The following NUDC variants were observed in gnomAD, a reference collection of about 807,000 sequenced individuals.
NUDC encodes the protein nuclear migration protein nudC.
Under a neutral mutation model 45.0 loss-of-function variants are expected in NUDC, and 14 were observed. That is an observed-to-expected ratio of 0.31 (90% confidence interval 0.21 to 0.49). The LOEUF (loss-of-function observed/expected upper bound fraction) is 0.49. Among genes scored for constraint, NUDC ranks in the 20% least tolerant of loss-of-function variants. NUDC has a pLI of 0.99. For synonymous variants in NUDC, 153 were observed against 156.7 expected, an observed-to-expected ratio of 0.98 and a Z score of 0.17; for missense variants, 323 against 426.2, an observed-to-expected ratio of 0.76 and a Z score of 2.13.
intron 1 of NUDC, 145 bp from the exon 2 acceptor site, chr1:26,923,943 TG>T: frequency 1.4e-6 from 1 of 728,248 alleles, no homozygotes. Context: ...GAGAACCTGC[TG>T]GGGAGATAAT....
At chr1:26,945,302 GGAGAGAGTTTGGTTGT>G in intron 6 of NUDC, 72 bp from the exon 7 acceptor site, 1 of 1,050,422 alleles carries the variant, frequency 9.5e-7, no homozygotes. Context: ...GATGTGGATG[GGAGAGAGTTTGGTTGT>G]GAAAGGGTTA....
intron 2 of NUDC, among the ~76,000 whole-genome samples, chr1:26,933,514 A>G (rs1435026916): frequency 1.3e-5 from 2 of 151,768 alleles, no homozygotes; most frequent in African/African-American, 4.8e-5. Flanking sequence ...CCTGGGTTCA[A>G]GCGATTCTCC....
At chr1:26,914,694 C>T (rs1442120670) in intron 3 of NUDC, among the ~76,000 whole-genome samples, 4 of 152,120 alleles carry the variant, frequency 2.6e-5, no homozygotes, top group Non-Finnish European at 5.9e-5. Context: ...CAGCCGGGCA[C>T]GGTGGCTCAT....
intron 2 of NUDC, among the ~76,000 whole-genome samples, chr1:26,906,958 C>A (rs946558422): frequency 3.3e-5 from 5 of 152,164 alleles, no homozygotes; most frequent in South Asian, 2.1e-4. Flanking sequence ...TCTGGCCATA[C>A]CCTGCCAGGA....
At chr1:26,932,835 A>G (rs2082194503) in intron 2 of NUDC, among the ~76,000 whole-genome samples, 2 of 152,146 alleles carry the variant, frequency 1.3e-5, no homozygotes, top group African/African-American at 2.4e-5. Context: ...GAATCATACA[A>G]TATGTATGTC....
intron 8 of NUDC, 79 bp downstream of exon 8, chr1:26,945,765 C>A: frequency 1.0e-6 from 1 of 1,002,556 alleles, no homozygotes; most frequent in Non-Finnish European, 1.6e-6. Flanking sequence ...GAGTGGATCA[C>A]TGCGCTGCCT....
upstream of NUDC, among the ~76,000 whole-genome samples, chr1:26,918,418 C>T (rs1007567156): frequency 1.3e-5 from 2 of 151,512 alleles, no homozygotes; most frequent in East Asian, 3.9e-4. Flanking sequence ...GGACTACAGG[C>T]GCCTGCCACC....
chr1:26,931,377 CTTTTT>C (rs796368735), intron 2 of NUDC, among the ~76,000 whole-genome samples: 3 of 76,922 alleles, frequency 3.9e-5, no homozygotes, highest in African/African-American at 1.4e-4. Flanking sequence ...TGCGCCTGGC[CTTTTT>C]TTTTTTTTTT....
intron 2 of NUDC, among the ~76,000 whole-genome samples, chr1:26,934,799 A>G (rs2082213612): frequency 3.3e-5 from 5 of 150,796 alleles, no homozygotes; most frequent in Admixed American, 3.3e-4. Context: ...CTGGGACTAC[A>G]GGCACCCCCC....
chr1:26,913,817 TA>T (rs781268111), intron 3 of NUDC: 65 of 1,514,180 alleles, frequency 4.3e-5, no homozygotes, highest in Non-Finnish European at 5.7e-5. Context: ...CGGTGCTGCC[TA>T]CATAGGCAGC....
At chr1:26,915,058 C>CATATATATACAT (rs1553162228) in intron 3 of NUDC, among the ~76,000 whole-genome samples, 1 of 140,552 alleles carries the variant, frequency 7.1e-6, no homozygotes, top group African/African-American at 2.6e-5. Flanking sequence ...TACATACATA[C>CATATATATACAT]ATATATATAT....
Position 26,900,893 on chromosome 1 carries a change from G to T in NUDC, c.-101+493G>T, listed in dbSNP as rs141470427. On this transcript the variant is annotated intron_variant, in intron 1 of 6. Transcript: ENST00000435827. ...AGATACTTCGCAAAAGAGGAAACAC[G>T]CAGGTCCAATTTACAATGAAAGTGC... Among the ~76,000 whole-genome samples the T allele has an allele frequency of 9.3e-4, 141 of 152,144 alleles. 1 individual carries two copies. Among genetic ancestry groups the T allele is most frequent in the Non-Finnish European group, 1.6e-3 (106 of 68,022 alleles).
rs71010306 is a variant in NUDC, at chr1:26,927,187, C to CGTGTGTGTGTGTGTGTGTGTGT, written c.159+3035_159+3036insGTGTGTGTGTGTGTGTGTGTGT. On this transcript the variant is annotated intron_variant, in intron 2 of 8. Coordinates refer to ENST00000321265, the MANE Select transcript of NUDC (RefSeq NM_006600.4). ...GCTGTAAGAAGGGAGAGAGATGAAC[C>CGTGTGTGTGTGTGTGTGTGTGT]GTGTGTGTGTGTGTCAGGGTCTTGC... Among the ~76,000 whole-genome samples the CGTGTGTGTGTGTGTGTGTGTGT allele has an allele frequency of 2.5e-4, 32 of 126,798 alleles. 4 individuals are homozygous for CGTGTGTGTGTGTGTGTGTGTGT. The highest frequency in any genetic ancestry group is 9.3e-4 in the African/African-American group (28 of 30,116). The allele number at this position is 126,798 out of a possible 152,430, so 83.2% of individuals were successfully genotyped here.
rs541511827 is a variant in NUDC, at chr1:26,908,076, G to A, written c.-15-3052G>A. Among the ~76,000 whole-genome samples the A allele has an allele frequency of 3.7e-4, 57 of 152,232 alleles. 1 individual carries two copies. The highest frequency in any genetic ancestry group is 1.2e-3 in the South Asian group (6 of 4,820). On this transcript the variant is annotated intron_variant, in intron 2 of 6. Coordinates refer to the NUDC transcript ENST00000435827. ...TGCCTGTAATCCCAGCTACTTGGGAGGCTGAAGCAACGGAATTGCTTGAAC... is the reference window on the plus strand; with the variant it reads ...TGCCTGTAATCCCAGCTACTTGGGAAGCTGAAGCAACGGAATTGCTTGAAC...
chr1:26,921,993 G>C (rs995885918), intron 1 of NUDC, 64 bp downstream of exon 1: 15 of 1,486,234 alleles, frequency 1.0e-5, no homozygotes, highest in Non-Finnish European at 2.7e-6. Flanking sequence ...GCCCTTCTCT[G>C]CCTTCGAGGG....
rs1375261073 is a variant in NUDC at position 26,924,103 on chromosome 1, C to T, written c.96C>T (p.Phe32=). The T allele has an allele frequency of 1.5e-5, 24 of 1,614,128 alleles. No individual in the cohort carries two copies. The highest frequency in any genetic ancestry group is 1.9e-5 in the Non-Finnish European group (23 of 1,179,992). The stretch of plus-strand genomic sequence containing the variant: ...CCCTCTTTCAGCTTGTGAACACCTT[C>T]TTCAGCTTCCTTCGACGCAAAACAG... ...EGGVQELVNT[F]FSFLRRKTDF... The change falls in exon 2 of 9, where the codon TTC becomes TTT. Residue 32 remains phenylalanine (F), a synonymous_variant. Transcript: ENST00000321265.
intron 6 of NUDC, among the ~76,000 whole-genome samples, chr1:26,944,082 G>A (rs1237996734): frequency 6.6e-6 from 1 of 151,748 alleles, no homozygotes; most frequent in Non-Finnish European, 1.5e-5. Flanking sequence ...TTTTAGTAGA[G>A]ACAGGGTTTC....
At chr1:26,924,018 A>C in intron 1 of NUDC, 71 bp from the exon 2 acceptor site, 1 of 1,388,072 alleles carries the variant, frequency 7.2e-7, no homozygotes, top group South Asian at 1.2e-5. Flanking sequence ...AGACAAAACA[A>C]GTTGACTTGT....
chr1:26,926,999 C>T (rs2082137900), intron 2 of NUDC, among the ~76,000 whole-genome samples: 1 of 152,108 alleles, frequency 6.6e-6, no homozygotes, highest in African/African-American at 2.4e-5. Context: ...CAGATTTGTT[C>T]TTTGTTTTCA....
Sources: gnomAD v4.1 joint callset for allele counts (sites outside exome capture counted in the v4.1 genomes callset) on GRCh38, gnomAD v4.1.1 for gene constraint, MANE v1.5 for transcripts, NCBI Gene and HGNC (gene_info 2026-07-23, HGNC 2026-07-21) for gene names.